Variants in TOX3 observed in about 807,000 individuals in gnomAD.
TOX3 encodes CAG trinucleotide repeat-containing gene F9 protein.
A neutral mutation model predicts 64.3 loss-of-function variants in TOX3; 22 were observed. That is an observed-to-expected ratio of 0.34 (90% CI 0.24 to 0.49). The LOEUF is 0.49. TOX3 is among the 20% of genes least tolerant of loss of function. TOX3 has a pLI of 0.99. For missense variants in TOX3, 661 were observed against 714.4 expected (o/e 0.93, Z 0.85); for synonymous variants, 291 against 273.6 (o/e 1.06, Z -0.63).
chr16:52,448,810 T>C (rs1048868322), intron 4 of TOX3, among the ~76,000 whole-genome samples: 1 of 143,528 alleles, frequency 7.0e-6, no homozygotes, highest in African/African-American at 2.6e-5. Flanking sequence ...GGTCCCAAAA[T>C]CTATAGTTCC....
intron 1 of TOX3, among the ~76,000 whole-genome samples, chr16:52,486,149 T>A (rs775239275): frequency 2.6e-5 from 4 of 151,906 alleles, no homozygotes; most frequent in Non-Finnish European, 5.9e-5. Flanking sequence ...CCCCCCGTAG[T>A]GAGACTGGGA....
At chr16:52,461,739 G>A (rs921221560) in intron 3 of TOX3, among the ~76,000 whole-genome samples, 9 of 152,116 alleles carry the variant, frequency 5.9e-5, no homozygotes, top group Non-Finnish European at 8.8e-5. Context: ...AATGCATGAC[G>A]TATAAAGTAT....
chr16:52,495,449 G>A (rs986578599), intron 1 of TOX3, among the ~76,000 whole-genome samples: 5 of 152,162 alleles, frequency 3.3e-5, no homozygotes, highest in Admixed American at 3.3e-4. Context: ...CTAAAGTGTG[G>A]GGGAAGGCAG....
chr16:52,502,789 T>C (rs1198677198), intron 1 of TOX3, among the ~76,000 whole-genome samples: 2 of 152,240 alleles, frequency 1.3e-5, no homozygotes, highest in African/African-American at 4.8e-5. Context: ...CAAATAATAT[T>C]GCTTCTTGCA....
chr16:52,537,273 C>A lies in TOX3; in HGVS notation c.87+9364G>T, dbSNP rs370609568. On this transcript the variant is annotated intron_variant, in intron 1 of 6. Transcript: ENST00000219746. ...GATCTTTCACCAGACATTCTAGTGT[C>A]TCCACAGTTTGTTCTCAACCAACCA... Among the ~76,000 whole-genome samples, 40 of 152,178 alleles carry A rather than the reference C, an allele frequency of 2.6e-4. 1 individual carries two copies. The East Asian group carries it at 7.4e-3, about 28-fold the overall frequency.
intron 1 of TOX3, among the ~76,000 whole-genome samples, chr16:52,483,851 A>G (rs1961435567): frequency 6.6e-6 from 1 of 152,112 alleles, no homozygotes; most frequent in Admixed American, 6.6e-5. Context: ...TACAGGCATG[A>G]GAGGAGCCAC....
rs968097805 is a variant in TOX3, at chr16:52,437,639, G to A, written c.*1586C>T. ...ACCGCTACAGAGCAAGAAAAGGGGG[G>A]AATAAATGGGCACCGAAATAATTAT... On this transcript the variant is annotated 3_prime_UTR_variant, in exon 7 of 7. Transcript: ENST00000219746. 1.3e-5 allele frequency among the ~76,000 whole-genome samples: 2 copies of A among 152,090 alleles called. No individual in the cohort carries two copies. The highest frequency in any genetic ancestry group is 2.9e-5 in the Non-Finnish European group (2 of 68,014).
intron 1 of TOX3, among the ~76,000 whole-genome samples, chr16:52,540,744 T>C (rs1384735873): frequency 6.6e-6 from 1 of 152,146 alleles, no homozygotes; most frequent in Non-Finnish European, 1.5e-5. Context: ...TTATTTTGTG[T>C]GTTTTCATGT....
chr16:52,509,691 A>G (rs1962250042), intron 1 of TOX3, among the ~76,000 whole-genome samples: 2 of 152,210 alleles, frequency 1.3e-5, no homozygotes, highest in Admixed American at 1.3e-4. Context: ...AATGTGGCCT[A>G]ATGTGTATGC....
At chr16:52,440,115 T>C in intron 6 of TOX3, 147 bp from the exon 7 acceptor site, 2 of 674,680 alleles carry the variant, frequency 3.0e-6, no homozygotes, top group East Asian at 2.9e-5. Context: ...CTTGTGACTT[T>C]TTCACTCCTC....
chr16:52,501,898 T>C (rs4784220), intron 1 of TOX3, among the ~76,000 whole-genome samples: 48,216 of 151,994 alleles, frequency 0.32, 8,222 homozygotes, highest in Middle Eastern at 0.38. Context: ...TGGGCTAAGA[T>C]GGACCCTTCT....
chr16:52,486,509 G>A (rs1044763340), intron 1 of TOX3, among the ~76,000 whole-genome samples: 1 of 152,088 alleles, frequency 6.6e-6, no homozygotes, highest in Non-Finnish European at 1.5e-5. Flanking sequence ...AAAACAGGAC[G>A]AACATGCATG....
At chr16:52,478,077 A>G (rs1194278004) in intron 1 of TOX3, among the ~76,000 whole-genome samples, 2 of 152,236 alleles carry the variant, frequency 1.3e-5, no homozygotes, top group Admixed American at 1.3e-4. Context: ...AAAGAGACCA[A>G]GCATATCTGT....
At chr16:52,546,188 TG>T in intron 1 of TOX3, among the ~76,000 whole-genome samples, 1 of 150,428 alleles carries the variant, frequency 6.6e-6, no homozygotes, top group East Asian at 2.0e-4. Flanking sequence ...AGGCCGGCTC[TG>T]GAGTAGGTGG....
chr16:52,469,765 T>A (rs1041817822), intron 1 of TOX3, among the ~76,000 whole-genome samples: 3 of 152,174 alleles, frequency 2.0e-5, no homozygotes, highest in Non-Finnish European at 4.4e-5. Context: ...ACTCATATAA[T>A]CCTCTTCCTC....
chr16:52,525,899 A>C (rs45601134), intron 1 of TOX3, among the ~76,000 whole-genome samples: 2 of 152,348 alleles, frequency 1.3e-5, no homozygotes, highest in African/African-American at 4.8e-5. Context: ...GTTTTTAAAT[A>C]GTGCAAATAT....
chr16:52,522,589 C>T (rs1962634819), intron 1 of TOX3, among the ~76,000 whole-genome samples: 1 of 152,178 alleles, frequency 6.6e-6, no homozygotes, highest in South Asian at 2.1e-4. Context: ...CTTCTGCAAA[C>T]TCTAAGGCCT....
At chr16:52,509,784 C>A (rs1464458662) in intron 1 of TOX3, among the ~76,000 whole-genome samples, 4 of 152,158 alleles carry the variant, frequency 2.6e-5, no homozygotes, top group Non-Finnish European at 4.4e-5. Flanking sequence ...TTGGTTAAAA[C>A]AAACAGGCTT....
At chr16:52,500,445 G>A (rs1961971571) in intron 1 of TOX3, among the ~76,000 whole-genome samples, 1 of 152,174 alleles carries the variant, frequency 6.6e-6, no homozygotes, top group Non-Finnish European at 1.5e-5. Flanking sequence ...ACATGGCAGT[G>A]TTTCACAGGG....
Sources: gnomAD v4.1 joint callset for allele counts (sites outside exome capture counted in the v4.1 genomes callset) on GRCh38, gnomAD v4.1.1 for gene constraint, MANE v1.5 for transcripts, NCBI Gene and HGNC (gene_info 2026-07-23, HGNC 2026-07-21) for gene names.